Variants in PTPRK observed in about 807,000 individuals in gnomAD.
The protein encoded by PTPRK is protein tyrosine phosphatase receptor type K.
Under a neutral mutation model 178.0 loss-of-function variants are expected in PTPRK, and 75 were observed. The ratio of observed to expected loss-of-function variants is 0.42; its 90% confidence interval spans 0.35 to 0.51. PTPRK has a LOEUF of 0.51. Among genes scored for constraint, PTPRK ranks in the 20% least tolerant of loss-of-function variants. The pLI is 0.02. For missense variants in PTPRK, 1,441 were observed against 1,797.8 expected, an observed-to-expected ratio of 0.80 and a Z score of 3.59; for synonymous variants, 637 against 620.6, an observed-to-expected ratio of 1.03 and a Z score of -0.39.
intron 13 of PTPRK, among the ~76,000 whole-genome samples, chr6:128,049,678 A>C (rs1778666458): frequency 6.6e-6 from 1 of 152,206 alleles, no homozygotes; most frequent in South Asian, 2.1e-4. Flanking sequence ...GCACATTTAA[A>C]TCTAACCATA....
chr6:128,254,401 C>T (rs553028300), intron 3 of PTPRK, among the ~76,000 whole-genome samples: 3 of 152,116 alleles, frequency 2.0e-5, no homozygotes, highest in Admixed American at 1.3e-4. Flanking sequence ...ACAAACAATA[C>T]GTTTGACAGT....
chr6:128,450,895 T>A (rs899966966), intron 1 of PTPRK, among the ~76,000 whole-genome samples: 1 of 152,176 alleles, frequency 6.6e-6, no homozygotes, highest in Non-Finnish European at 1.5e-5. Flanking sequence ...GGAAAGCACT[T>A]ATGAGACTGA....
chr6:128,144,433 G>T (rs1341802904), intron 7 of PTPRK, among the ~76,000 whole-genome samples: 2 of 152,108 alleles, frequency 1.3e-5, no homozygotes, highest in African/African-American at 2.4e-5. Context: ...ATTGCCCATG[G>T]CAGGTCTAAT....
intron 2 of PTPRK, among the ~76,000 whole-genome samples, chr6:128,376,667 T>C (rs1470399040): frequency 4.6e-5 from 7 of 152,216 alleles, no homozygotes; most frequent in Admixed American, 3.9e-4. Context: ...TTCTATCACA[T>C]TGTCAGGCTG....
At position 127,973,778 on chromosome 6, in the gene PTPRK, G is replaced by T; in HGVS notation, c.4019C>A (p.Ala1340Asp). The change falls in exon 28 of 30, where the codon GCT (alanine) becomes GAT (aspartate). Residue 1340 changes from alanine to aspartate, a missense_variant. By Grantham distance (126) the Ala-to-Asp change is moderately radical. This residue lies in a region of PTPRK where 335 missense variants were observed against 512.4 expected (regional missense o/e 0.65). Transcript: ENST00000368226. The part of the protein sequence containing the change: ...MVQQFQYLGW[A>D]SHREVPGSKR... ...GGATCCAGGCACTTCTCGATGAGAA[G>T]CCCATCCTAGGTACTGAAACTGTTG... is the stretch of plus-strand genomic sequence containing the variant. 6.2e-7 allele frequency: 1 copy of T among 1,613,940 alleles called. No individual in the cohort carries two copies. Among genetic ancestry groups the T allele is most frequent in the Non-Finnish European group, 8.5e-7 (1 of 1,179,902 alleles).
At chr6:128,413,934 A>T (rs1842574208) in intron 1 of PTPRK, among the ~76,000 whole-genome samples, 1 of 152,114 alleles carries the variant, frequency 6.6e-6, no homozygotes, top group South Asian at 2.1e-4. Context: ...TAACCCTATT[A>T]AAAAAAGACT....
intron 1 of PTPRK, among the ~76,000 whole-genome samples, chr6:128,448,831 A>C (rs1276484923): frequency 6.6e-6 from 1 of 152,110 alleles, no homozygotes; most frequent in Non-Finnish European, 1.5e-5. Context: ...GTCCAATGCC[A>C]TGCCAGTTTT....
At chr6:127,999,249 G>A (rs1027399267) in intron 15 of PTPRK, among the ~76,000 whole-genome samples, 1 of 152,052 alleles carries the variant, frequency 6.6e-6, no homozygotes, top group African/African-American at 2.4e-5. Flanking sequence ...GGACCCAGCT[G>A]TCAAGTGGAG....
At chr6:128,263,895 G>C (rs1818553613) in intron 3 of PTPRK, among the ~76,000 whole-genome samples, 2 of 152,178 alleles carry the variant, frequency 1.3e-5, no homozygotes, top group African/African-American at 4.8e-5. Context: ...CAGCATCTAA[G>C]TGAGAGACCA....
At chr6:128,329,228 A>G (rs1829959979) in intron 2 of PTPRK, among the ~76,000 whole-genome samples, 1 of 152,172 alleles carries the variant, frequency 6.6e-6, no homozygotes, top group Admixed American at 6.6e-5. Context: ...TCTGCAGGGT[A>G]TAAAGATGTA....
intron 11 of PTPRK, among the ~76,000 whole-genome samples, chr6:128,077,621 C>T (rs1262346334): frequency 2.6e-5 from 4 of 151,312 alleles, no homozygotes; most frequent in South Asian, 4.1e-4. Flanking sequence ...AATATGTAAA[C>T]GACTTGATAT....
At chr6:128,043,784 T>A (rs184208683) in intron 13 of PTPRK, among the ~76,000 whole-genome samples, 2 of 133,100 alleles carry the variant, frequency 1.5e-5, no homozygotes, top group South Asian at 5.7e-4. Flanking sequence ...AAGTTATACA[T>A]ATAAAAGAAT....
At chr6:128,088,606 G>T (rs1786372840) in intron 8 of PTPRK, among the ~76,000 whole-genome samples, 1 of 152,024 alleles carries the variant, frequency 6.6e-6, no homozygotes, top group Non-Finnish European at 1.5e-5. Context: ...TACATCCAAA[G>T]AGTGACTTAT....
intron 3 of PTPRK, among the ~76,000 whole-genome samples, chr6:128,249,414 G>A (rs1048589070): frequency 1.3e-5 from 2 of 151,584 alleles, no homozygotes; most frequent in Non-Finnish European, 2.9e-5. Flanking sequence ...TTATCACAAT[G>A]AAATCAAATT....
chr6:128,036,615 GAAAT>G (rs1776262701), intron 13 of PTPRK, among the ~76,000 whole-genome samples: 1 of 151,876 alleles, frequency 6.6e-6, no homozygotes, highest in African/African-American at 2.4e-5. Flanking sequence ...CTAAAATACT[GAAAT>G]AAATAAAGAA....
intron 1 of PTPRK, among the ~76,000 whole-genome samples, chr6:128,410,881 C>T (rs936515763): frequency 3.9e-5 from 6 of 152,108 alleles, no homozygotes; most frequent in Non-Finnish European, 7.4e-5. Context: ...CCTTACCAGC[C>T]TTACGTTTGT....
chr6:128,510,753 C>T (rs1857053316), intron 1 of PTPRK, among the ~76,000 whole-genome samples: 1 of 152,058 alleles, frequency 6.6e-6, no homozygotes, highest in Non-Finnish European at 1.5e-5. Flanking sequence ...CAAATCCAAT[C>T]ACTAAGTCAG....
At chr6:127,981,044 A>G in intron 25 of PTPRK, 72 bp downstream of exon 25, 1 of 1,335,480 alleles carries the variant, frequency 7.5e-7, no homozygotes, top group Non-Finnish European at 1.0e-6. Context: ...CGAAAAGAAA[A>G]CTAGCCAGTG....
intron 1 of PTPRK, among the ~76,000 whole-genome samples, chr6:128,426,171 G>A (rs914735417): frequency 6.6e-6 from 1 of 152,104 alleles, no homozygotes; most frequent in African/African-American, 2.4e-5. Context: ...TTATTCCTCT[G>A]ATTTCTAGTC....
Sources: allele counts gnomAD v4.1 joint callset (sites outside exome capture counted in the v4.1 genomes callset), GRCh38; gene constraint gnomAD v4.1.1; regional missense constraint gnomAD v4.1.1; transcripts MANE v1.5; gene names NCBI Gene and HGNC (gene_info 2026-07-23, HGNC 2026-07-21).